Variants in ARHGAP28 observed in about 807,000 individuals in gnomAD.
ARHGAP28 encodes Rho GTPase activating protein 28, also known as rho GTPase-activating protein 28.
ARHGAP28 carries 56 observed loss-of-function variants against 90.7 expected under a neutral mutation model. The ratio of observed to expected loss-of-function variants is 0.62; its 90% confidence interval spans 0.50 to 0.77. ARHGAP28 has a LOEUF of 0.77. Among genes scored for constraint, ARHGAP28 ranks in the 30% least tolerant of loss-of-function variants. The pLI, the probability that ARHGAP28 is intolerant of heterozygous loss-of-function variation, is 0.00. For synonymous variants in ARHGAP28, 308 were observed against 323.3 expected (o/e 0.95, Z 0.51); for missense variants, 869 against 900.9 (o/e 0.96, Z 0.45).
chr18:6,764,027 C>A (rs905007782), intron 1 of ARHGAP28, among the ~76,000 whole-genome samples: 2 of 152,092 alleles, frequency 1.3e-5, no homozygotes, highest in Non-Finnish European at 2.9e-5. Context: ...AAATAGCTTT[C>A]TTTAGAAATT....
At chr18:6,820,757 T>C (rs1205802051) in intron 1 of ARHGAP28, among the ~76,000 whole-genome samples, 3 of 152,178 alleles carry the variant, frequency 2.0e-5, no homozygotes, top group African/African-American at 7.2e-5. Flanking sequence ...AAACAAAAAC[T>C]GTCAGCCTAG....
At chr18:6,805,858 A>T (rs1252513369) in intron 1 of ARHGAP28, among the ~76,000 whole-genome samples, 1 of 151,564 alleles carries the variant, frequency 6.6e-6, no homozygotes, top group Admixed American at 6.6e-5. Context: ...GCATTTAAAT[A>T]TTATTTTTAT....
chr18:6,839,451 G>T (rs779453037), intron 3 of ARHGAP28, among the ~76,000 whole-genome samples: 1 of 152,010 alleles, frequency 6.6e-6, no homozygotes, highest in Non-Finnish European at 1.5e-5. Flanking sequence ...CAGCCACCAC[G>T]CCTGGCTAAT....
intron 4 of ARHGAP28, among the ~76,000 whole-genome samples, chr18:6,852,154 C>A (rs951629514): frequency 4.6e-5 from 7 of 152,184 alleles, no homozygotes; most frequent in African/African-American, 1.4e-4. Flanking sequence ...AAGCTACTTA[C>A]AATAAACAGT....
chr18:6,811,616 CT>C (rs992196240), intron 1 of ARHGAP28, among the ~76,000 whole-genome samples: 2 of 152,110 alleles, frequency 1.3e-5, no homozygotes, highest in African/African-American at 2.4e-5. Flanking sequence ...GCTCTAGAAA[CT>C]TTCGCTTACC....
intron 1 of ARHGAP28, among the ~76,000 whole-genome samples, chr18:6,807,589 T>C (rs117046394): frequency 7.7e-4 from 118 of 152,342 alleles, no homozygotes; most frequent in South Asian, 1.7e-3. Flanking sequence ...CATGGTCTTA[T>C]AAATTATGAA....
chr18:6,886,567 A>G (rs1567982807), intron 11 of ARHGAP28, among the ~76,000 whole-genome samples: 1 of 152,234 alleles, frequency 6.6e-6, no homozygotes, highest in Admixed American at 6.5e-5. Flanking sequence ...ATATGTAGAA[A>G]GATAACTATG....
At position 6,778,937 on chromosome 18, in the gene ARHGAP28, A is replaced by T. The variant is rs550546313; in HGVS notation, c.123-45825A>T. The stretch of plus-strand genomic sequence containing the variant: ...ACTTTTTCAGGGTATTCCTCCCTTC[A>T]TCTTACAGAATCACCACTTCACATC... On this transcript the variant is annotated intron_variant, in intron 1 of 17. Coordinates refer to ENST00000383472, the MANE Select transcript of ARHGAP28 (RefSeq NM_001366230.1). The T allele has an allele frequency of 2.6e-5, 4 of 152,290 alleles. No homozygotes were observed. In the South Asian group the frequency reaches 8.3e-4, roughly 32 times the overall value. 9.4% of individuals were successfully genotyped at this position (152,290 alleles called of 1,614,324 possible).
At chr18:6,758,461 T>C (rs2056131371) in intron 1 of ARHGAP28, among the ~76,000 whole-genome samples, 1 of 152,088 alleles carries the variant, frequency 6.6e-6, no homozygotes, top group East Asian at 1.9e-4. Flanking sequence ...GTAGCTGGGA[T>C]TGCAAGCACG....
chr18:6,809,831 C>G (rs539550530), intron 1 of ARHGAP28, among the ~76,000 whole-genome samples: 62 of 152,188 alleles, frequency 4.1e-4, no homozygotes, highest in African/African-American at 1.5e-3. Flanking sequence ...AAGGGCTAGG[C>G]CTTTTTGTTC....
intron 16 of ARHGAP28, among the ~76,000 whole-genome samples, chr18:6,900,821 G>A (rs2057334502): frequency 6.6e-6 from 1 of 152,174 alleles, no homozygotes; most frequent in East Asian, 1.9e-4. Context: ...TCAAGAAACA[G>A]TGAACCCAAA....
intron 1 of ARHGAP28, among the ~76,000 whole-genome samples, chr18:6,735,939 A>G (rs1349761984): frequency 2.6e-5 from 4 of 152,158 alleles, no homozygotes; most frequent in Admixed American, 2.6e-4. Flanking sequence ...CGACGTTGAC[A>G]TCTTACTAAC....
chr18:6,798,773 A>G (rs2056460851), intron 1 of ARHGAP28, among the ~76,000 whole-genome samples: 1 of 152,218 alleles, frequency 6.6e-6, no homozygotes, highest in African/African-American at 2.4e-5. Context: ...AGAATTCACC[A>G]TTATAGAATT....
At chr18:6,745,183 T>C (rs988597755) in intron 1 of ARHGAP28, among the ~76,000 whole-genome samples, 4 of 152,188 alleles carry the variant, frequency 2.6e-5, no homozygotes, top group Admixed American at 6.5e-5. Context: ...TCACTTTTTT[T>C]CCTCATTTTC....
intron 1 of ARHGAP28, among the ~76,000 whole-genome samples, chr18:6,746,375 A>G (rs1304997324): frequency 6.6e-6 from 1 of 152,220 alleles, no homozygotes; most frequent in African/African-American, 2.4e-5. Flanking sequence ...GAAAGCAACC[A>G]TAAACATTAC....
rs2056578402 is a variant in ARHGAP28, at chr18:6,814,646, T to TG, written c.123-10110dup. 2.0e-5 allele frequency among the ~76,000 whole-genome samples: 3 copies of TG among 152,238 alleles called. No homozygotes were observed. The South Asian group carries it at 6.2e-4, about 32-fold the overall frequency. On this transcript the variant is annotated intron_variant, in intron 1 of 17. Coordinates refer to ENST00000383472, the MANE Select transcript of ARHGAP28 (RefSeq NM_001366230.1). ...GGTAAATTCTTAGATGATGCTGGAA[T>TG]GGGGGGCTCACTTTTAATTGCTTTG...
intron 1 of ARHGAP28, among the ~76,000 whole-genome samples, chr18:6,795,125 T>G (rs1307382348): frequency 6.6e-6 from 1 of 152,246 alleles, no homozygotes; most frequent in South Asian, 2.1e-4. Flanking sequence ...ATTCATTTTA[T>G]TAAGACTAAT....
intron 3 of ARHGAP28, among the ~76,000 whole-genome samples, chr18:6,849,556 A>G (rs1021077179): frequency 6.6e-6 from 1 of 152,352 alleles, no homozygotes. Flanking sequence ...CTGGCAAGAA[A>G]TGTCTCTGGA....
chr18:6,854,921 C>T (rs1043893700), intron 4 of ARHGAP28, among the ~76,000 whole-genome samples: 6 of 152,218 alleles, frequency 3.9e-5, no homozygotes, highest in South Asian at 2.1e-4. Flanking sequence ...CCAGCCCGGG[C>T]GCTGTTGCAA....
Sources: allele counts gnomAD v4.1 joint callset (sites outside exome capture counted in the v4.1 genomes callset), GRCh38; gene constraint gnomAD v4.1.1; transcripts MANE v1.5; gene names NCBI Gene and HGNC (gene_info 2026-07-23, HGNC 2026-07-21).